The following DNMBP variants were observed in gnomAD, a reference collection of about 807,000 sequenced individuals.
DNMBP encodes dynamin-binding protein.
In DNMBP, 87 loss-of-function variants were observed where a neutral mutation model predicts 150.0. The ratio of observed to expected loss-of-function variants is 0.58; its 90% CI spans 0.49 to 0.69. The LOEUF (loss-of-function observed/expected upper bound fraction) is 0.69, where lower values mean the gene tolerates loss of function less well. Among genes scored for constraint, DNMBP ranks in the 30% least tolerant of loss-of-function variants. The probability of loss-of-function intolerance (pLI) is 0.00; values close to 1 mark genes in which losing one functional copy is unlikely to be tolerated. For synonymous variants in DNMBP, 711 were observed against 750.4 expected (o/e 0.95, Z 0.86); for missense variants, 1,774 against 1,949.0 (o/e 0.91, Z 1.69).
At chr10:99,993,210 T>C (rs369228893) in intron 1 of DNMBP, among the ~76,000 whole-genome samples, 3 of 152,202 alleles carry the variant, frequency 2.0e-5, no homozygotes, top group South Asian at 4.1e-4. Flanking sequence ...GAATTGTAGA[T>C]AGACACTCCC....
At chr10:99,949,016 AGAG>A (rs1346077447) in intron 4 of DNMBP, among the ~76,000 whole-genome samples, 2 of 151,996 alleles carry the variant, frequency 1.3e-5, no homozygotes, top group South Asian at 4.1e-4. Flanking sequence ...AAATAAATGC[AGAG>A]TTTTAAGAAG....
At chr10:99,977,124 T>C (rs2040736141) in intron 1 of DNMBP, among the ~76,000 whole-genome samples, 1 of 152,106 alleles carries the variant, frequency 6.6e-6, no homozygotes, top group Non-Finnish European at 1.5e-5. Flanking sequence ...AATAAATACT[T>C]TTACTGACTG....
chr10:99,997,230 G>C (rs1484494481), intron 1 of DNMBP, among the ~76,000 whole-genome samples: 1 of 152,208 alleles, frequency 6.6e-6, no homozygotes, highest in East Asian at 1.9e-4. Flanking sequence ...TACAAGCACT[G>C]TCTAAAAGAA....
intron 15 of DNMBP, 45 bp downstream of exon 15, chr10:99,883,966 A>AC: frequency 3.5e-6 from 5 of 1,417,528 alleles, no homozygotes; most frequent in Non-Finnish European, 4.8e-6. Context: ...CAAAACTACT[A>AC]TTTTTTTTTT....
chr10:99,890,877 C>G (rs1033905076), intron 11 of DNMBP, among the ~76,000 whole-genome samples: 10 of 152,172 alleles, frequency 6.6e-5, no homozygotes, highest in Non-Finnish European at 1.3e-4. Flanking sequence ...AAACTCCTGA[C>G]GTCAGCTGAT....
intron 4 of DNMBP, among the ~76,000 whole-genome samples, chr10:99,914,469 T>C (rs2039939206): frequency 6.6e-6 from 1 of 152,106 alleles, no homozygotes; most frequent in Admixed American, 6.5e-5. Flanking sequence ...CCTGAGCCTC[T>C]TTATGCAGTC....
At chr10:99,980,107 C>T (rs1293674270) in intron 1 of DNMBP, among the ~76,000 whole-genome samples, 2 of 152,068 alleles carry the variant, frequency 1.3e-5, no homozygotes, top group African/African-American at 4.8e-5. Context: ...AAGTTAAAAG[C>T]CATGAGAGTA....
Position 99,880,299 on chromosome 10 carries a change from C to G in DNMBP, c.4060G>C (p.Asp1354His). Residue 1354 changes from aspartate (D) to histidine (H), a missense_variant, in exon 16 of 17, where the codon GAT (aspartate) becomes CAT (histidine). Asp to His is a moderately conservative substitution (Grantham distance 81, BLOSUM62 -1). Coordinates refer to ENST00000324109, the MANE Select transcript of DNMBP (RefSeq NM_015221.4). ...GAGGAGTGGCTACCCACGGAGGCAT[C>G]GGAGTGGCTGCGGCGAGGATTGTAG... ...KPYNPRRSHSDASVGSHSSTE... is the reference protein window; with the variant it reads ...KPYNPRRSHSHASVGSHSSTE... 1.9e-6 allele frequency: 3 copies of G among 1,613,092 alleles called. No homozygotes were observed. Among genetic ancestry groups the G allele is most frequent in the South Asian group, 1.1e-5 (1 of 91,072 alleles).
rs1362972273 is a variant in DNMBP, at chr10:99,877,356, A to G, written c.4549-20T>C. On this transcript the variant is annotated intron_variant, in intron 16 of 16. Transcript: ENST00000324109. The stretch of plus-strand genomic sequence containing the variant: ...ATAGACCTGTGTGAGGGAGAGAGAG[A>G]AAATGGGAAATTGCTGGGAGCAATG... 3 of 1,584,428 alleles carry G rather than the reference A, an allele frequency of 1.9e-6. No homozygotes were observed. The Admixed American group carries it at 5.3e-5, about 28-fold the overall frequency.
intron 11 of DNMBP, among the ~76,000 whole-genome samples, chr10:99,891,745 C>T (rs1348495162): frequency 8.8e-6 from 1 of 113,516 alleles, no homozygotes; most frequent in East Asian, 2.0e-4. Flanking sequence ...TCTTCCCGGC[C>T]GCCATCACAT....
intron 4 of DNMBP, among the ~76,000 whole-genome samples, chr10:99,918,574 C>CTTTTTTTTTTT (rs71009786): frequency 2.9e-5 from 4 of 137,900 alleles, no homozygotes; most frequent in African/African-American, 1.1e-4. Flanking sequence ...TCTGCAACTT[C>CTTTTTTTTTTT]TTTTTTTTTT....
rs74995008 is a variant in DNMBP, at chr10:99,897,400, A to T, written c.2920+686T>A. On this transcript the variant is annotated intron_variant, in intron 9 of 16. Coordinates refer to ENST00000324109, the MANE Select transcript of DNMBP (RefSeq NM_015221.4). ...CTAAAAGACAAGAAGTCCTAGCTTTAGTAGAGGTAGTAAGACATCCAATTA... is the reference window on the plus strand; with the variant it reads ...CTAAAAGACAAGAAGTCCTAGCTTTTGTAGAGGTAGTAAGACATCCAATTA... Among the ~76,000 whole-genome samples the T allele has an allele frequency of 9.0e-3, 1,370 of 152,312 alleles. 19 individuals carry two copies. The highest frequency in any genetic ancestry group is 0.041 in the Middle Eastern group (12 of 294).
chr10:99,955,358 C>T lies in DNMBP; in HGVS notation c.2116G>A (p.Asp706Asn). Residue 706 changes from aspartate (D) to asparagine (N), a missense_variant, in exon 4 of 17, where the codon GAT becomes AAT. Coordinates refer to ENST00000324109, the MANE Select transcript of DNMBP (RefSeq NM_015221.4). ...TCTTCTTGAGCTCTACTGTACATATCCAAGTCCCGCTCCATTTCCTCAATC... is the reference window on the plus strand; with the variant it reads ...TCTTCTTGAGCTCTACTGTACATATTCAAGTCCCGCTCCATTTCCTCAATC... ...VRIEEMERDLDMYSRAQEELN... is the reference protein window; with the variant it reads ...VRIEEMERDLNMYSRAQEELN... 1.9e-6 allele frequency: 3 copies of T among 1,614,184 alleles called. No homozygotes were observed. Among genetic ancestry groups the T allele is most frequent in the Admixed American group, 1.7e-5 (1 of 60,020 alleles).
At chr10:100,001,417 T>TG (rs1255744161) in intron 1 of DNMBP, among the ~76,000 whole-genome samples, 10 of 141,524 alleles carry the variant, frequency 7.1e-5, no homozygotes, top group African/African-American at 1.3e-4. Flanking sequence ...GTTGTTGTTT[T>TG]TTTTTTTTTT....
In DNMBP at chr10:99,952,622, C is replaced by T. The variant is rs549431070; in HGVS notation, c.2260+2592G>A. Among the ~76,000 whole-genome samples, 48 of 152,294 alleles carry T rather than the reference C, an allele frequency of 3.2e-4. No homozygotes were observed. The South Asian group carries it at 8.9e-3, about 28-fold the overall frequency. On this transcript the variant is annotated intron_variant, in intron 4 of 16. Transcript: ENST00000324109. ...GAATGTGCTCTAGGACCCCTCCTAC[C>T]GCACCATCTCTTAGTCTGCAGTTCC... is the stretch of plus-strand genomic sequence containing the variant.
intron 1 of DNMBP, among the ~76,000 whole-genome samples, chr10:99,990,778 T>C (rs1242869818): frequency 8.5e-5 from 12 of 140,574 alleles, no homozygotes; most frequent in Non-Finnish European, 1.7e-4. Context: ...TATATACACA[T>C]ATATACACAC....
chr10:99,947,929 A>G (rs2133316308), intron 4 of DNMBP, among the ~76,000 whole-genome samples: 1 of 152,302 alleles, frequency 6.6e-6, no homozygotes, highest in Non-Finnish European at 1.5e-5. Context: ...AGCGAAGTAT[A>G]TGGAAGCTCT....
chr10:99,890,732 C>T (rs1300029404), intron 11 of DNMBP, among the ~76,000 whole-genome samples: 3 of 152,194 alleles, frequency 2.0e-5, no homozygotes, highest in African/African-American at 7.2e-5. Context: ...CTGCAACCTC[C>T]ACCTCCCGGC....
At chr10:99,928,141 T>G (rs1017639230) in intron 4 of DNMBP, 2 of 152,150 alleles carry the variant, frequency 1.3e-5, no homozygotes, top group African/African-American at 2.4e-5. Flanking sequence ...TGGGTTTGGT[T>G]TCATTTTTGT....
Sources: gnomAD v4.1 joint callset for allele counts (sites outside exome capture counted in the v4.1 genomes callset) on GRCh38, gnomAD v4.1.1 for gene constraint, MANE v1.5 for transcripts, NCBI Gene and HGNC (gene_info 2026-07-23, HGNC 2026-07-21) for gene names.